The following RTN4RL1 variants were observed in gnomAD, a reference collection of about 807,000 sequenced individuals.
The protein encoded by RTN4RL1 is reticulon-4 receptor-like 1.
A neutral mutation model predicts 25.6 loss-of-function variants in RTN4RL1; 7 were observed. The observed-to-expected ratio is 0.27, with a 90% CI of 0.16 to 0.51. The LOEUF is 0.51. RTN4RL1 is among the 20% of genes least tolerant of loss of function. The probability of loss-of-function intolerance (pLI) is 0.97; values close to 1 mark genes in which losing one functional copy is unlikely to be tolerated. For missense variants in RTN4RL1, 500 were observed against 615.6 expected, an observed-to-expected ratio of 0.81 and a Z score of 1.99; for synonymous variants, 297 against 288.2, an observed-to-expected ratio of 1.03 and a Z score of -0.31.
At chr17:1,983,837 G>C (rs112093374) in intron 1 of RTN4RL1, among the ~76,000 whole-genome samples, 26 of 152,092 alleles carry the variant, frequency 1.7e-4, no homozygotes, top group African/African-American at 5.3e-4. Context: ...CCACGGCGCC[G>C]GGTCCTGAAC....
intron 1 of RTN4RL1, among the ~76,000 whole-genome samples, chr17:1,990,431 C>G (rs985124155): frequency 6.6e-6 from 1 of 152,046 alleles, no homozygotes; most frequent in Non-Finnish European, 1.5e-5. Context: ...CATGGTGGCT[C>G]ACATCTGTAG....
intron 1 of RTN4RL1, among the ~76,000 whole-genome samples, chr17:2,017,097 C>A (rs988171361): frequency 1.4e-4 from 21 of 152,160 alleles, no homozygotes; most frequent in African/African-American, 5.1e-4. Context: ...CCAATTTCCC[C>A]CCAGGGCCTC....
At chr17:1,983,009 G>T (rs1025565389) in intron 1 of RTN4RL1, among the ~76,000 whole-genome samples, 1 of 152,112 alleles carries the variant, frequency 6.6e-6, no homozygotes, top group Non-Finnish European at 1.5e-5. Flanking sequence ...GGGGCCATTT[G>T]GTGGTGGAGC....
rs569329258 is a variant in RTN4RL1, at chr17:2,012,782, G to GTTC, written c.13+12068_13+12070dup. 5.0e-3 allele frequency among the ~76,000 whole-genome samples: 735 copies of GTTC among 146,402 alleles called. 3 individuals carry two copies. Among genetic ancestry groups the GTTC allele is most frequent in the Non-Finnish European group, 8.0e-3 (537 of 66,814 alleles). ...TTTACCTAATGTCACTATGTGCTAT[G>GTTC]TTCTTCTTCTTCTTCTTTTTTTTTT... On this transcript the variant is annotated intron_variant, in intron 1 of 1. Coordinates refer to ENST00000331238, the MANE Select transcript of RTN4RL1 (RefSeq NM_178568.4).
chr17:1,991,446 T>TAAAAAA (rs764604442), intron 1 of RTN4RL1, among the ~76,000 whole-genome samples: 2 of 31,246 alleles, frequency 6.4e-5, no homozygotes, highest in African/African-American at 2.4e-4. Flanking sequence ...ATGCACATAG[T>TAAAAAA]AAAAAAAAAA....
At chr17:2,016,021 C>T (rs1164583474) in intron 1 of RTN4RL1, among the ~76,000 whole-genome samples, 2 of 152,200 alleles carry the variant, frequency 1.3e-5, no homozygotes, top group East Asian at 3.9e-4. Flanking sequence ...GGGTCTGGCT[C>T]TGATCATGGC....
At chr17:1,947,262 G>GT (rs1225119374) in intron 1 of RTN4RL1, among the ~76,000 whole-genome samples, 2 of 152,232 alleles carry the variant, frequency 1.3e-5, no homozygotes, top group Non-Finnish European at 2.9e-5. Context: ...GTGTTTACAT[G>GT]TGTGTGCACA....
intron 1 of RTN4RL1, among the ~76,000 whole-genome samples, chr17:1,966,028 G>C (rs375176557): frequency 2.6e-5 from 4 of 152,118 alleles, no homozygotes; most frequent in Admixed American, 6.5e-5. Context: ...AGCACATCAC[G>C]AGCGGCTCTG....
intron 1 of RTN4RL1, among the ~76,000 whole-genome samples, chr17:1,938,143 A>G (rs113805680): frequency 0.019 from 2,875 of 151,968 alleles, 97 homozygotes; most frequent in African/African-American, 0.066. Context: ...GTAGGTCATG[A>G]CCCAGGGACA....
intron 1 of RTN4RL1, among the ~76,000 whole-genome samples, chr17:2,009,032 A>G (rs984283047): frequency 1.3e-5 from 2 of 152,168 alleles, no homozygotes; most frequent in African/African-American, 4.8e-5. Context: ...AATGACTACA[A>G]GGCACAGGGG....
At chr17:1,983,629 C>T (rs1056902541) in intron 1 of RTN4RL1, among the ~76,000 whole-genome samples, 6 of 152,048 alleles carry the variant, frequency 3.9e-5, no homozygotes, top group African/African-American at 9.7e-5. Context: ...TCTCAAACTC[C>T]TGAGCTCAAG....
chr17:1,957,685 A>T (rs1199560156), intron 1 of RTN4RL1, among the ~76,000 whole-genome samples: 1 of 151,960 alleles, frequency 6.6e-6, no homozygotes, highest in Non-Finnish European at 1.5e-5. Context: ...TACTAAAAAT[A>T]CAGAAATTAG....
intron 1 of RTN4RL1, among the ~76,000 whole-genome samples, chr17:2,002,794 G>A (rs1299449846): frequency 3.3e-5 from 5 of 152,150 alleles, no homozygotes; most frequent in Admixed American, 6.5e-5. Flanking sequence ...AGGTCCCGGC[G>A]AGGAGGCAGG....
At chr17:1,952,331 GGTT>G (rs1915700461) in intron 1 of RTN4RL1, among the ~76,000 whole-genome samples, 1 of 99,774 alleles carries the variant, frequency 1.0e-5, no homozygotes, top group African/African-American at 3.3e-5. Flanking sequence ...AAGGGAGGTT[GGTT>G]TTTTTTTTTT....
intron 1 of RTN4RL1, among the ~76,000 whole-genome samples, chr17:1,979,685 G>A (rs990332983): frequency 1.3e-5 from 2 of 152,232 alleles, no homozygotes; most frequent in Admixed American, 6.5e-5. Context: ...AGCAATCACT[G>A]CGCACCTGCT....
intron 1 of RTN4RL1, among the ~76,000 whole-genome samples, chr17:1,949,618 C>T (rs1015287022): frequency 4.6e-5 from 7 of 152,198 alleles, no homozygotes; most frequent in African/African-American, 9.7e-5. Context: ...GTCCATCACC[C>T]GGTTCTGAAT....
intron 1 of RTN4RL1, 91 bp from the exon 2 acceptor site, chr17:1,937,899 G>C: frequency 4.8e-6 from 5 of 1,047,778 alleles, no homozygotes; most frequent in Non-Finnish European, 6.8e-6. Context: ...ACGCATCCTC[G>C]TCTTGGCTGA....
At chr17:1,958,992 G>A (rs2151309348) in intron 1 of RTN4RL1, among the ~76,000 whole-genome samples, 1 of 152,362 alleles carries the variant, frequency 6.6e-6, no homozygotes. Context: ...CCTCCTGAGA[G>A]GCAAAAGGGA....
chr17:1,939,938 C>T (rs1463780493), intron 1 of RTN4RL1, among the ~76,000 whole-genome samples: 3 of 152,198 alleles, frequency 2.0e-5, no homozygotes, highest in Non-Finnish European at 2.9e-5. Context: ...CCGGGGCACC[C>T]AGGGCAGCTG....
Sources: allele counts gnomAD v4.1 joint callset (sites outside exome capture counted in the v4.1 genomes callset), GRCh38; gene constraint gnomAD v4.1.1; transcripts MANE v1.5; gene names NCBI Gene and HGNC (gene_info 2026-07-23, HGNC 2026-07-21).